Variants in DAB1 observed in about 807,000 individuals in gnomAD.
DAB1 encodes DAB adaptor protein 1.
DAB1 carries 15 observed loss-of-function variants against 64.6 expected under a neutral mutation model. The observed-to-expected ratio is 0.23, with a 90% CI of 0.16 to 0.36. The LOEUF (loss-of-function observed/expected upper bound fraction) is 0.36. Ranked by LOEUF, DAB1 falls within the 10% of genes least tolerant of loss-of-function variation. The probability of loss-of-function intolerance (pLI) is 1.00; values close to 1 mark genes in which losing one functional copy is unlikely to be tolerated. For missense variants in DAB1, 596 were observed against 706.7 expected, an observed-to-expected ratio of 0.84 and a Z score of 1.78; for synonymous variants, 235 against 251.9, an observed-to-expected ratio of 0.93 and a Z score of 0.64.
intron 4 of DAB1, among the ~76,000 whole-genome samples, chr1:58,225,509 A>G (rs1659420001): frequency 6.6e-6 from 1 of 151,962 alleles, no homozygotes; most frequent in Non-Finnish European, 1.5e-5. Context: ...AGACACATGC[A>G]CACGTATGTT....
intron 7 of DAB1, among the ~76,000 whole-genome samples, chr1:57,627,792 C>G (rs552420797): frequency 6.6e-6 from 1 of 152,304 alleles, no homozygotes; most frequent in South Asian, 2.1e-4. Flanking sequence ...TGGCCCTAAG[C>G]CCAGCAGAAT....
At chr1:57,373,800 C>A (rs902821956) in intron 1 of DAB1, among the ~76,000 whole-genome samples, 1 of 152,150 alleles carries the variant, frequency 6.6e-6, no homozygotes, top group African/African-American at 2.4e-5. Context: ...AACATAATCG[C>A]CGGGTTCTTA....
At chr1:58,304,115 A>G (rs1309837360) in intron 4 of DAB1, among the ~76,000 whole-genome samples, 1 of 152,142 alleles carries the variant, frequency 6.6e-6, no homozygotes, top group Admixed American at 6.5e-5. Context: ...CAGAGCATAT[A>G]AGGGCGAGAA....
intron 1 of DAB1, among the ~76,000 whole-genome samples, chr1:57,319,798 G>GA (rs968962534): frequency 0.015 from 2,235 of 146,224 alleles, 40 homozygotes; most frequent in African/African-American, 0.044. Context: ...TTCCTTCTGG[G>GA]AAAAAAAAAA....
intron 1 of DAB1, among the ~76,000 whole-genome samples, chr1:57,423,380 C>A (rs1182753712): frequency 6.6e-6 from 1 of 151,996 alleles, no homozygotes; most frequent in Non-Finnish European, 1.5e-5. Context: ...CGCGAAAGGG[C>A]TGGGATTACT....
At position 57,625,530 on chromosome 1, in the gene DAB1, A is replaced by G. The variant is rs79758926; in HGVS notation, n.625+24062T>C. Among the ~76,000 whole-genome samples, 1,270 of 152,202 alleles carry G rather than the reference A, an allele frequency of 8.3e-3. 10 individuals carry two copies. Among genetic ancestry groups the G allele is most frequent in the Non-Finnish European group, 0.012 (825 of 68,006 alleles). ...AGTATTACACTGGCAATCAGCACCC[A>G]CTCTGGCAAAACAGTGTTTAGCACT... On this transcript the variant is annotated intron_variant and non_coding_transcript_variant, in intron 7 of 20. Transcript: ENST00000485760.
At chr1:58,502,050 G>A (rs554093470) in intron 3 of DAB1, among the ~76,000 whole-genome samples, 4 of 151,866 alleles carry the variant, frequency 2.6e-5, no homozygotes, top group African/African-American at 9.7e-5. Flanking sequence ...GCATATAACA[G>A]ATGACTGATA....
At chr1:58,077,220 C>T (rs1260339933) in intron 5 of DAB1, among the ~76,000 whole-genome samples, 3 of 152,088 alleles carry the variant, frequency 2.0e-5, no homozygotes, top group African/African-American at 7.2e-5. Context: ...TATGCTAATC[C>T]AATCCTTACT....
chr1:58,286,669 C>T (rs1661692719), intron 4 of DAB1, among the ~76,000 whole-genome samples: 1 of 152,158 alleles, frequency 6.6e-6, no homozygotes, highest in South Asian at 2.1e-4. Flanking sequence ...CAAGAAATGA[C>T]TGATGCTGGC....
chr1:58,465,796 A>C (rs1384661669), intron 3 of DAB1, among the ~76,000 whole-genome samples: 1 of 152,176 alleles, frequency 6.6e-6, no homozygotes, highest in Non-Finnish European at 1.5e-5. Context: ...AGGAACCGTC[A>C]TTATCCACAC....
chr1:58,292,448 C>A (rs956572652), intron 4 of DAB1, among the ~76,000 whole-genome samples: 3 of 152,142 alleles, frequency 2.0e-5, no homozygotes, highest in Non-Finnish European at 4.4e-5. Context: ...AATAATTCTT[C>A]AATTCCATTC....
chr1:58,517,900 T>A (rs761115785), intron 2 of DAB1, among the ~76,000 whole-genome samples: 2 of 151,444 alleles, frequency 1.3e-5, no homozygotes, highest in African/African-American at 4.9e-5. Flanking sequence ...AGAAAGTGAG[T>A]ATCAGGCCGG....
At chr1:57,222,495 G>A (rs1454445580) in intron 2 of DAB1, among the ~76,000 whole-genome samples, 6 of 152,204 alleles carry the variant, frequency 3.9e-5, no homozygotes, top group Non-Finnish European at 2.9e-5. Flanking sequence ...GGAGCTTTGA[G>A]TAACACAGTT....
chr1:57,836,718 ATTGCCACACATAATAGCTAACAG>A (rs1420613081), intron 1 of DAB1, among the ~76,000 whole-genome samples: 1 of 152,224 alleles, frequency 6.6e-6, no homozygotes, highest in African/African-American at 2.4e-5. Context: ...AGCAAGGGTT[ATTGCCACACATAATAGCTAACAG>A]AGATCGTATC....
At chr1:57,035,759 A>G (rs1444965730) in intron 9 of DAB1, among the ~76,000 whole-genome samples, 2 of 151,452 alleles carry the variant, frequency 1.3e-5, no homozygotes, top group Non-Finnish European at 1.5e-5. Flanking sequence ...TGTTTAGCAC[A>G]TAGTAGATGC....
intron 5 of DAB1, among the ~76,000 whole-genome samples, chr1:58,021,702 A>C (rs1028342289): frequency 6.6e-6 from 1 of 152,246 alleles, no homozygotes. Flanking sequence ...TCAGAGCAGA[A>C]CTGGCCCAAG....
intron 1 of DAB1, among the ~76,000 whole-genome samples, chr1:57,833,922 C>T (rs1398771211): frequency 6.6e-6 from 1 of 152,142 alleles, no homozygotes; most frequent in Non-Finnish European, 1.5e-5. Context: ...TTGAAAGTAT[C>T]ATATTAAATT....
At chr1:57,492,391 T>C (rs561543045) in intron 7 of DAB1, among the ~76,000 whole-genome samples, 19 of 152,284 alleles carry the variant, frequency 1.2e-4, no homozygotes, top group African/African-American at 4.6e-4. Context: ...GGATTTGGGG[T>C]GGTGCTCTAA....
intron 6 of DAB1, among the ~76,000 whole-genome samples, chr1:57,661,990 T>A (rs534077261): frequency 6.6e-6 from 1 of 152,092 alleles, no homozygotes; most frequent in Non-Finnish European, 1.5e-5. Flanking sequence ...ACCGTAAAGA[T>A]AAAATATCCT....
Sources: allele counts gnomAD v4.1 joint callset (sites outside exome capture counted in the v4.1 genomes callset), GRCh38; gene constraint gnomAD v4.1.1; transcripts MANE v1.5; gene names NCBI Gene and HGNC (gene_info 2026-07-23, HGNC 2026-07-21).